Variants in MIPOL1 observed in about 807,000 individuals in gnomAD.
The protein encoded by MIPOL1 is mirror-image polydactyly gene 1 protein.
Under a neutral mutation model 60.9 loss-of-function variants are expected in MIPOL1, and 57 were observed. That is an observed-to-expected ratio of 0.94 (90% CI 0.76 to 1.17). The LOEUF (loss-of-function observed/expected upper bound fraction) is 1.17. MIPOL1 is among the 50% of genes most tolerant of loss of function. MIPOL1 has a pLI of 0.00. For synonymous variants in MIPOL1, 179 were observed against 168.8 expected, an observed-to-expected ratio of 1.06 and a Z score of -0.47; for missense variants, 551 against 511.6, an observed-to-expected ratio of 1.08 and a Z score of -0.74.
At chr14:37,487,950 G>A (rs1022516256) in intron 11 of MIPOL1, among the ~76,000 whole-genome samples, 3 of 152,110 alleles carry the variant, frequency 2.0e-5, no homozygotes, top group Non-Finnish European at 4.4e-5. Context: ...GATCTTTCCT[G>A]CTTTCTCTTG....
At position 37,198,036 on chromosome 14, in the gene MIPOL1, C is replaced by G. The variant is rs1964612239; in HGVS notation, c.-267C>G. ...TGGCGATTGGCTGACGCGGTGGCTG[C>G]GCACTCGGCCTGAGAAACTCGGCAA... On this transcript the variant is annotated 5_prime_UTR_variant, in exon 1 of 13. Coordinates refer to ENST00000684589, the MANE Select transcript of MIPOL1 (RefSeq NM_001388067.1). 6.6e-6 allele frequency: 1 copy of G among 152,284 alleles called. No homozygotes were observed. Among genetic ancestry groups the G allele is most frequent in the Non-Finnish European group, 1.5e-5 (1 of 68,088 alleles). The allele number at this position is 152,284 out of a possible 1,614,324, so 9.4% of individuals were successfully genotyped here.
chr14:37,423,430 CT>C (rs1412546832), intron 11 of MIPOL1: 2 of 151,422 alleles, frequency 1.3e-5, no homozygotes, highest in African/African-American at 4.8e-5. Flanking sequence ...ACAACTACCC[CT>C]GTAACATAAA....
chr14:37,340,127 A>G (rs2090458291), intron 9 of MIPOL1, among the ~76,000 whole-genome samples: 1 of 152,022 alleles, frequency 6.6e-6, no homozygotes, highest in African/African-American at 2.4e-5. Flanking sequence ...TTCCTGTGTG[A>G]AATCTTGGTG....
At chr14:37,296,140 A>G (rs1469776595) in intron 7 of MIPOL1, among the ~76,000 whole-genome samples, 2 of 152,246 alleles carry the variant, frequency 1.3e-5, no homozygotes, top group African/African-American at 4.8e-5. Context: ...AGAACTCAGG[A>G]TTAAGAAACT....
chr14:37,383,860 T>C (rs1566488963), intron 10 of MIPOL1, among the ~76,000 whole-genome samples: 1 of 151,954 alleles, frequency 6.6e-6, no homozygotes. Flanking sequence ...GACATTCCTT[T>C]ACTGGCTTTT....
At chr14:37,439,938 A>T (rs1177610826) in intron 11 of MIPOL1, among the ~76,000 whole-genome samples, 1 of 152,126 alleles carries the variant, frequency 6.6e-6, no homozygotes, top group Non-Finnish European at 1.5e-5. Flanking sequence ...AGCTCACTGC[A>T]GCCTCCCCCT....
chr14:37,375,194 A>G (rs1034340492), intron 10 of MIPOL1, among the ~76,000 whole-genome samples: 2 of 151,688 alleles, frequency 1.3e-5, no homozygotes, highest in Admixed American at 6.6e-5. Context: ...ACCCTTTTTA[A>G]TAATTATTTT....
At chr14:37,248,024 A>G (rs935959128) in intron 3 of MIPOL1, 117 bp downstream of exon 3, 151 of 929,524 alleles carry the variant, frequency 1.6e-4, no homozygotes, top group Admixed American at 4.3e-4. Flanking sequence ...GTGCGCACAC[A>G]CACACACAAA....
chr14:37,285,881 C>T (rs922303329), intron 7 of MIPOL1, among the ~76,000 whole-genome samples: 20 of 152,146 alleles, frequency 1.3e-4, no homozygotes, highest in African/African-American at 3.6e-4. Context: ...CATGAGCCAC[C>T]GCGCCCGGCC....
intron 1 of MIPOL1, among the ~76,000 whole-genome samples, chr14:37,223,573 G>T (rs1307075094): frequency 2.0e-5 from 3 of 151,860 alleles, no homozygotes; most frequent in Non-Finnish European, 4.4e-5. Context: ...CGCGATCTCG[G>T]CTCACTGCAA....
At chr14:37,217,386 A>G (rs1967915860) in intron 1 of MIPOL1, among the ~76,000 whole-genome samples, 1 of 152,182 alleles carries the variant, frequency 6.6e-6, no homozygotes, top group Admixed American at 6.5e-5. Flanking sequence ...GAATATTCCA[A>G]ACATTCTCTG....
intron 1 of MIPOL1, among the ~76,000 whole-genome samples, chr14:37,233,607 T>G (rs1970968336): frequency 6.6e-6 from 1 of 152,072 alleles, no homozygotes. Context: ...TTTTTAAGAT[T>G]AGGAAACACA....
At chr14:37,530,877 G>T (rs562744090) in intron 12 of MIPOL1, among the ~76,000 whole-genome samples, 2 of 151,996 alleles carry the variant, frequency 1.3e-5, no homozygotes, top group East Asian at 3.9e-4. Context: ...GAGTGCAGTG[G>T]CATGATCCCG....
At chr14:37,497,817 C>T (rs1286133971) in intron 11 of MIPOL1, among the ~76,000 whole-genome samples, 1 of 152,186 alleles carries the variant, frequency 6.6e-6, no homozygotes, top group African/African-American at 2.4e-5. Context: ...TCATATTTTG[C>T]TGATGGGAGT....
intron 12 of MIPOL1, chr14:37,503,859 C>T (rs189436460): frequency 6.6e-6 from 1 of 152,114 alleles, no homozygotes; most frequent in African/African-American, 2.4e-5. Flanking sequence ...ATTCAGAAGA[C>T]CCATCTTACA....
intron 9 of MIPOL1, among the ~76,000 whole-genome samples, chr14:37,364,107 C>G (rs906559182): frequency 6.6e-6 from 1 of 152,216 alleles, no homozygotes; most frequent in Non-Finnish European, 1.5e-5. Flanking sequence ...AGGTGACGCC[C>G]TGCCCTGCTT....
chr14:37,448,345 C>T (rs759435300), intron 11 of MIPOL1, among the ~76,000 whole-genome samples: 2 of 152,150 alleles, frequency 1.3e-5, no homozygotes, highest in Non-Finnish European at 2.9e-5. Flanking sequence ...AAACGTGAAT[C>T]AACATGTCCT....
intron 9 of MIPOL1, 106 bp from the exon 10 acceptor site, chr14:37,369,409 ACC>A: frequency 1.6e-6 from 1 of 634,048 alleles, no homozygotes. Flanking sequence ...CAAAAAAAAA[ACC>A]TTGTCTTTTA....
chr14:37,426,592 T>TATATATATATATATATATAC (rs1358064212), intron 11 of MIPOL1, among the ~76,000 whole-genome samples: 8 of 126,650 alleles, frequency 6.3e-5, no homozygotes, highest in Admixed American at 3.3e-4. Context: ...TATATATATA[T>TATATATATATATATATATAC]ATACACACAC....
Sources: allele counts gnomAD v4.1 joint callset (sites outside exome capture counted in the v4.1 genomes callset), GRCh38; gene constraint gnomAD v4.1.1; transcripts MANE v1.5; gene names NCBI Gene and HGNC (gene_info 2026-07-23, HGNC 2026-07-21).